Variants in MYO19 observed in about 807,000 individuals in gnomAD.
MYO19 encodes unconventional myosin-XIX.
Under a neutral mutation model 129.2 loss-of-function variants are expected in MYO19, and 132 were observed. The ratio of observed to expected loss-of-function variants is 1.02; its 90% confidence interval spans 0.89 to 1.18. The LOEUF (loss-of-function observed/expected upper bound fraction) is 1.18. MYO19 is among the 50% of genes most tolerant of loss of function. The pLI is 0.00. For synonymous variants in MYO19, 531 were observed against 477.2 expected, an observed-to-expected ratio of 1.11 and a Z score of -1.47; for missense variants, 1,210 against 1,216.7, an observed-to-expected ratio of 0.99 and a Z score of 0.08.
chr17:36,529,350 T>TCC (rs1011430219), intron 3 of MYO19, among the ~76,000 whole-genome samples: 1 of 152,064 alleles, frequency 6.6e-6, no homozygotes, highest in African/African-American at 2.4e-5. Flanking sequence ...GTATCATCCC[T>TCC]CCACTTCCTC....
At chr17:36,539,129 TAAG>T (rs2074181496), upstream of MYO19, 1 of 167,178 alleles carries the variant, frequency 6.0e-6, no homozygotes, top group Non-Finnish European at 1.5e-5. Flanking sequence ...TAGAATGTAT[TAAG>T]TAGTATTTTA....
At chr17:36,534,623 G>A (rs896531587) in intron 1 of MYO19, 138 bp downstream of exon 1, 2 of 152,602 alleles carry the variant, frequency 1.3e-5, no homozygotes, top group African/African-American at 4.8e-5. Context: ...AAAAGGAAAA[G>A]GCAAAAAGGA....
At chr17:36,523,543 T>C (rs2073277427) in intron 6 of MYO19, among the ~76,000 whole-genome samples, 1 of 152,208 alleles carries the variant, frequency 6.6e-6, no homozygotes, top group African/African-American at 2.4e-5. Flanking sequence ...CCCCACTTTT[T>C]CACTGGTTTA....
chr17:36,536,076 A>G (rs2074112076), upstream of MYO19, among the ~76,000 whole-genome samples: 1 of 152,210 alleles, frequency 6.6e-6, no homozygotes, highest in Admixed American at 6.5e-5. Flanking sequence ...GTGTTCTTCC[A>G]GTATGCCGTT....
In MYO19 at chr17:36,532,530, C is replaced by T. The variant is rs902542863; in HGVS notation, c.9G>A (p.Gln3=). Residue 3 remains glutamine, a synonymous_variant, in exon 3 of 26, where the codon CAG becomes CAA. Coordinates refer to ENST00000614623, the MANE Select transcript of MYO19 (RefSeq NM_001163735.2). ML[Q]QVNGHNPGSD... ...TTATCTAAGGTTGAGGTTTTACCTG[C>T]TGGAGCATCCTCCTTCAAAGTGGTC... 3.2e-6 allele frequency: 5 copies of T among 1,554,764 alleles called. No homozygotes were observed. The South Asian group carries it at 5.9e-5, about 18-fold the overall frequency.
At chr17:36,505,038 T>G in intron 19 of MYO19, 1 of 686,160 alleles carries the variant, frequency 1.5e-6, no homozygotes, top group South Asian at 1.4e-5. Context: ...GCAGTTTCAG[T>G]CTCTCATCAG....
chr17:36,522,784 G>T (rs1308498311), intron 6 of MYO19, among the ~76,000 whole-genome samples: 2 of 152,084 alleles, frequency 1.3e-5, no homozygotes, highest in Non-Finnish European at 2.9e-5. Flanking sequence ...GAGGCGAGTG[G>T]ATCACGAGGT....
intron 25 of MYO19, chr17:36,498,009 G>A: frequency 2.1e-6 from 1 of 485,794 alleles, no homozygotes; most frequent in Non-Finnish European, 3.6e-6. Flanking sequence ...ATTTGGAAAT[G>A]GGACTAGAAG....
intron 6 of MYO19, among the ~76,000 whole-genome samples, chr17:36,523,182 CA>C (rs34403651): frequency 0.64 from 66,547 of 103,394 alleles, 19,792 homozygotes; most frequent in Middle Eastern, 0.77. Flanking sequence ...AACCCTGTCT[CA>C]AAAAAAAAAA....
intron 12 of MYO19, 112 bp from the exon 13 acceptor site, chr17:36,511,029 C>T: frequency 7.9e-7 from 1 of 1,270,234 alleles, no homozygotes; most frequent in African/African-American, 1.5e-5. Flanking sequence ...ACAGAAGAAA[C>T]CTAAGTTCTG....
At position 36,495,683 on chromosome 17, in the gene MYO19, C is replaced by T. The variant is rs374059988; in HGVS notation, c.*568G>A. The T allele has an allele frequency of 3.2e-4, 411 of 1,265,140 alleles. 1 individual carries two copies. The African/African-American group carries it at 5.5e-3, about 17-fold the overall frequency. The allele number at this position is 1,265,140 out of a possible 1,614,324, so 78.4% of individuals were successfully genotyped here. ...TGGTACAGTTGATAGACATCATAAA[C>T]GATATCAAGCTTACACTTCATATGG... On this transcript the variant is annotated 3_prime_UTR_variant, in exon 26 of 26. Transcript: ENST00000614623.
chr17:36,530,423 G>A (rs968739324), intron 3 of MYO19, among the ~76,000 whole-genome samples: 86 of 151,314 alleles, frequency 5.7e-4, no homozygotes, highest in Middle Eastern at 6.9e-3. Context: ...CTGCCAAAAG[G>A]GGTTAGCTAT....
At chr17:36,535,997 C>T (rs1310825808), upstream of MYO19, among the ~76,000 whole-genome samples, 3 of 152,152 alleles carry the variant, frequency 2.0e-5, no homozygotes, top group African/African-American at 7.2e-5. Context: ...ATAATGCACG[C>T]ATGCATTCAC....
At chr17:36,511,264 G>T in intron 12 of MYO19, 101 bp downstream of exon 12, 1 of 1,280,976 alleles carries the variant, frequency 7.8e-7, no homozygotes, top group Non-Finnish European at 1.1e-6. Flanking sequence ...ATAAGCAAGG[G>T]CATCAGATTC....
In MYO19 at chr17:36,528,047, G is replaced by A. The variant is rs116659313; in HGVS notation, c.151+17C>T. The A allele has an allele frequency of 8.2e-5, 132 of 1,606,564 alleles. No homozygotes were observed. In the African/African-American group the frequency reaches 1.4e-3, roughly 17 times the overall value. On this transcript the variant is annotated intron_variant, in intron 4 of 25. Coordinates refer to ENST00000614623, the MANE Select transcript of MYO19 (RefSeq NM_001163735.2). The stretch of plus-strand genomic sequence containing the variant: ...ACCTCCTGGAGATGATACTCCTGAG[G>A]AATGGGAGGCCCATACCTGTCTCTA...
In MYO19 at chr17:36,498,464, C is replaced by G; in HGVS notation, c.2559G>C (p.Gln853His). 1.9e-6 allele frequency: 3 copies of G among 1,614,014 alleles called. No individual in the cohort carries two copies. The highest frequency in any genetic ancestry group is 2.2e-5 in the East Asian group (1 of 44,880). The change falls in exon 25 of 26, where the codon CAG becomes CAC. Residue 853 changes from glutamine (Q) to histidine (H), a missense_variant. Transcript: ENST00000614623. ...APCSLSTSPL[Q>H]TRLLEAIIRL... Reference sequence around the variant, plus strand: ...GGATTATTGCCTCCAGGAGCCTGGTCTGCAGCGGCGAGGTGCTCAGGGAAC... The same window carrying G: ...GGATTATTGCCTCCAGGAGCCTGGTGTGCAGCGGCGAGGTGCTCAGGGAAC...
intron 1 of MYO19, among the ~76,000 whole-genome samples, chr17:36,542,456 T>C (rs555724982): frequency 4.0e-4 from 61 of 152,186 alleles, no homozygotes; most frequent in African/African-American, 1.3e-3. Flanking sequence ...TCCCAGCACT[T>C]TGGGAGGCCG....
Position 36,515,194 on chromosome 17 carries a change from A to G in MYO19, c.548-12T>C, listed in dbSNP as rs2072658780. The G allele has an allele frequency of 3.1e-6, 5 of 1,610,224 alleles. No homozygotes were observed. The highest frequency in any genetic ancestry group is 1.1e-5 in the South Asian group (1 of 90,194). On this transcript the variant is annotated splice_polypyrimidine_tract_variant and intron_variant, in intron 7 of 25. Coordinates refer to ENST00000614623, the MANE Select transcript of MYO19 (RefSeq NM_001163735.2). ...TGTACACGCATTCCCTACAGATCAC[A>G]CCTATGTTTATTTCACTCCCCTGGG...
chr17:36,515,202 T>C lies in MYO19; in HGVS notation c.548-20A>G. The C allele has an allele frequency of 1.9e-6, 3 of 1,607,826 alleles. No individual in the cohort carries two copies. Among genetic ancestry groups the C allele is most frequent in the Non-Finnish European group, 2.6e-6 (3 of 1,176,386 alleles). On this transcript the variant is annotated intron_variant, in intron 7 of 25. Transcript: ENST00000614623. ...CATTCCCTACAGATCACACCTATGT[T>C]TATTTCACTCCCCTGGGTTTGCAGA...
Sources: gnomAD v4.1 joint callset for allele counts (sites outside exome capture counted in the v4.1 genomes callset) on GRCh38, gnomAD v4.1.1 for gene constraint, MANE v1.5 for transcripts, NCBI Gene and HGNC (gene_info 2026-07-23, HGNC 2026-07-21) for gene names.